The following PTPN11 variants were observed in gnomAD, a reference collection of about 807,000 sequenced individuals.
PTPN11 encodes the protein tyrosine-protein phosphatase non-receptor type 11.
A neutral mutation model predicts 78.8 loss-of-function variants in PTPN11; 6 were observed. The ratio of observed to expected loss-of-function variants is 0.08; its 90% CI spans 0.04 to 0.15. The LOEUF (loss-of-function observed/expected upper bound fraction) is 0.15, where lower values mean the gene tolerates loss of function less well. Among genes scored for constraint, PTPN11 ranks in the 10% least tolerant of loss-of-function variants. PTPN11 has a pLI of 1.00. For missense variants in PTPN11, 386 were observed against 744.8 expected, an observed-to-expected ratio of 0.52 and a Z score of 5.61; for synonymous variants, 221 against 263.5, an observed-to-expected ratio of 0.84 and a Z score of 1.56.
At chr12:112,500,102 G>C (rs995646070) in intron 13 of PTPN11, among the ~76,000 whole-genome samples, 2 of 152,004 alleles carry the variant, frequency 1.3e-5, no homozygotes, top group Non-Finnish European at 2.9e-5. Context: ...AAATAAGCTG[G>C]GTGTTGTGGT....
intron 11 of PTPN11, 48 bp from the exon 12 acceptor site, chr12:112,488,395 C>A (rs1168355919): frequency 1.4e-6 from 2 of 1,468,620 alleles, no homozygotes; most frequent in South Asian, 1.1e-5. Flanking sequence ...AGTCTGAAAC[C>A]CCCATGAATG....
intron 13 of PTPN11, among the ~76,000 whole-genome samples, chr12:112,500,260 A>C (rs753387838): frequency 3.9e-5 from 6 of 152,142 alleles, no homozygotes; most frequent in Non-Finnish European, 8.8e-5. Flanking sequence ...ACAACAACAA[A>C]AAAACCAAAT....
intron 9 of PTPN11, among the ~76,000 whole-genome samples, chr12:112,478,764 C>T (rs186960343): frequency 9.9e-5 from 15 of 152,262 alleles, no homozygotes; most frequent in African/African-American, 2.4e-4. Context: ...GACAGGGTCT[C>T]GGTCTGTTGC....
intron 1 of PTPN11, among the ~76,000 whole-genome samples, chr12:112,431,515 C>G (rs2037712435): frequency 6.6e-6 from 1 of 152,108 alleles, no homozygotes; most frequent in Non-Finnish European, 1.5e-5. Flanking sequence ...GAGTGTCACC[C>G]CTGAGAAGCA....
At position 112,453,647 on chromosome 12, in the gene PTPN11, T is replaced by G. The variant is rs547320142; in HGVS notation, c.525+260T>G. Among the ~76,000 whole-genome samples the G allele has an allele frequency of 2.7e-4, 35 of 132,048 alleles. No individual in the cohort carries two copies. In the South Asian group the frequency reaches 6.6e-3, roughly 25 times the overall value. 86.6% of individuals were successfully genotyped at this position (132,048 alleles called of 152,430 possible). On this transcript the variant is annotated intron_variant, in intron 4 of 15. Transcript: ENST00000351677. ...ATTACATTCAAAGTCAGATTTTCTG[T>G]TTTTTTTTTTTTTTTGTTTTTGTTT...
chr12:112,488,019 A>G (rs2038701302), intron 11 of PTPN11, among the ~76,000 whole-genome samples: 1 of 152,018 alleles, frequency 6.6e-6, no homozygotes, highest in Admixed American at 6.6e-5. Flanking sequence ...CCTGGCCCCA[A>G]GTGATCCTCC....
At chr12:112,474,210 C>T (rs1233790006) in intron 7 of PTPN11, among the ~76,000 whole-genome samples, 9 of 151,418 alleles carry the variant, frequency 5.9e-5, no homozygotes, top group South Asian at 2.1e-4. Flanking sequence ...ATTAGCTGGG[C>T]GTGGTGGTGG....
chr12:112,438,581 A>G (rs1333721907), intron 1 of PTPN11, among the ~76,000 whole-genome samples: 1 of 151,916 alleles, frequency 6.6e-6, no homozygotes, highest in Non-Finnish European at 1.5e-5. Context: ...TCCCGGGTTC[A>G]AGCGATTCTC....
At chr12:112,436,096 T>G (rs2037785079) in intron 1 of PTPN11, among the ~76,000 whole-genome samples, 1 of 152,050 alleles carries the variant, frequency 6.6e-6, no homozygotes, top group Admixed American at 6.6e-5. Context: ...TGGCACAGAA[T>G]GTCAAAGAAT....
intron 10 of PTPN11, among the ~76,000 whole-genome samples, chr12:112,484,561 G>A (rs531271856): frequency 3.0e-4 from 45 of 152,248 alleles, no homozygotes; most frequent in African/African-American, 1.0e-3. Flanking sequence ...AGGAAGTGAC[G>A]GGGGGACCAG....
chr12:112,467,384 C>T (rs1008190797), intron 6 of PTPN11, among the ~76,000 whole-genome samples: 1 of 152,162 alleles, frequency 6.6e-6, no homozygotes, highest in African/African-American at 2.4e-5. Context: ...CCAGCATCTG[C>T]TTCTGGTGAG....
chr12:112,438,825 A>G (rs1366508880), intron 1 of PTPN11, among the ~76,000 whole-genome samples: 7 of 151,966 alleles, frequency 4.6e-5, no homozygotes, highest in African/African-American at 1.5e-4. Context: ...GGATCTTGCT[A>G]TGTTGCCCAG....
intron 1 of PTPN11, among the ~76,000 whole-genome samples, chr12:112,438,648 A>G (rs1230018127): frequency 6.6e-6 from 1 of 151,908 alleles, no homozygotes; most frequent in Admixed American, 6.6e-5. Flanking sequence ...TACCCGGCTA[A>G]TTTTTGTATT....
chr12:112,488,314 T>G, intron 11 of PTPN11, 129 bp from the exon 12 acceptor site: 1 of 920,226 alleles, frequency 1.1e-6, no homozygotes, highest in East Asian at 2.4e-5. Flanking sequence ...TTTTCAAACA[T>G]AAATAGACAA....
chr12:112,430,450 A>T (rs978521934), intron 1 of PTPN11, among the ~76,000 whole-genome samples: 14 of 152,070 alleles, frequency 9.2e-5, no homozygotes, highest in African/African-American at 3.4e-4. Context: ...TTATCTTGAG[A>T]CAGAGTCTTG....
chr12:112,436,375 A>G (rs75098304), intron 1 of PTPN11, among the ~76,000 whole-genome samples: 8,423 of 152,214 alleles, frequency 0.055, 302 homozygotes, highest in Middle Eastern at 0.16. Flanking sequence ...CTCATTTCCT[A>G]TGAGGTAAAC....
intron 7 of PTPN11, among the ~76,000 whole-genome samples, chr12:112,476,974 A>G (rs1441522303): frequency 6.6e-6 from 1 of 152,042 alleles, no homozygotes; most frequent in African/African-American, 2.4e-5. Context: ...CCCATCTCAG[A>G]CATCATGTCA....
At chr12:112,429,660 T>G (rs372157700) in intron 1 of PTPN11, among the ~76,000 whole-genome samples, 203 of 151,672 alleles carry the variant, frequency 1.3e-3, no homozygotes, top group African/African-American at 4.7e-3. Flanking sequence ...AAAAATTAAC[T>G]GGGTGTGGTG....
intron 1 of PTPN11, 103 bp downstream of exon 1, chr12:112,419,228 G>T (rs894904146): frequency 1.2e-5 from 15 of 1,236,738 alleles, no homozygotes; most frequent in African/African-American, 1.6e-5. Flanking sequence ...TCGGGCTCCC[G>T]CCCCGGGTCG....
Sources: gnomAD v4.1 joint callset for allele counts (sites outside exome capture counted in the v4.1 genomes callset) on GRCh38, gnomAD v4.1.1 for gene constraint, MANE v1.5 for transcripts, NCBI Gene and HGNC (gene_info 2026-07-23, HGNC 2026-07-21) for gene names.